LRMDA: variants seen among roughly 807,000 people sequenced by gnomAD.
LRMDA encodes leucine-rich melanocyte differentiation-associated protein.
A neutral mutation model predicts 29.8 loss-of-function variants in LRMDA; 18 were observed. The ratio of observed to expected loss-of-function variants is 0.60; its 90% CI spans 0.42 to 0.90. The LOEUF (loss-of-function observed/expected upper bound fraction) is 0.90, where lower values mean the gene tolerates loss of function less well. Ranked by LOEUF, LRMDA falls within the 40% of genes least tolerant of loss-of-function variation. The pLI is 0.00. For missense variants in LRMDA, 273 were observed against 273.9 expected, an observed-to-expected ratio of 1.00 and a Z score of 0.02; for synonymous variants, 125 against 109.4, an observed-to-expected ratio of 1.14 and a Z score of -0.89.
At chr10:75,995,710 G>C (rs1190257321) in intron 2 of LRMDA, among the ~76,000 whole-genome samples, 1 of 152,140 alleles carries the variant, frequency 6.6e-6, no homozygotes, top group Non-Finnish European at 1.5e-5. Flanking sequence ...TTATTGTGAA[G>C]TTTTTCTTTC....
At chr10:76,450,019 T>C (rs1287754264) in intron 6 of LRMDA, among the ~76,000 whole-genome samples, 2 of 152,108 alleles carry the variant, frequency 1.3e-5, no homozygotes, top group African/African-American at 4.8e-5. Flanking sequence ...CTTGCCATTT[T>C]CTTTATAGTT....
chr10:76,507,986 A>G (rs1008623521), intron 6 of LRMDA, among the ~76,000 whole-genome samples: 1 of 152,108 alleles, frequency 6.6e-6, no homozygotes, highest in Non-Finnish European at 1.5e-5. Context: ...CAGGAGAATG[A>G]CATTTTTGAA....
At chr10:75,540,557 C>T (rs1490704551) in intron 2 of LRMDA, among the ~76,000 whole-genome samples, 1 of 152,212 alleles carries the variant, frequency 6.6e-6, no homozygotes, top group Non-Finnish European at 1.5e-5. Flanking sequence ...GATCTTACCT[C>T]CCCACTAGCA....
intron 5 of LRMDA, among the ~76,000 whole-genome samples, chr10:76,068,589 G>T (rs937179754): frequency 2.0e-5 from 3 of 152,184 alleles, no homozygotes; most frequent in African/African-American, 7.2e-5. Context: ...AGGAGGCAGA[G>T]CCCAGGCAGT....
At chr10:75,916,201 G>T (rs890858694) in intron 2 of LRMDA, among the ~76,000 whole-genome samples, 5 of 116,308 alleles carry the variant, frequency 4.3e-5, no homozygotes, top group African/African-American at 6.0e-5. Context: ...TGTGTGGGTG[G>T]GTGTGCATGT....
chr10:76,384,027 C>A (rs750878112), intron 6 of LRMDA, among the ~76,000 whole-genome samples: 1 of 151,998 alleles, frequency 6.6e-6, no homozygotes, highest in African/African-American at 2.4e-5. Context: ...CCTTTCCATC[C>A]CACTTCTACC....
Position 75,677,639 on chromosome 10 carries a change from G to A in LRMDA, c.131+239145G>A, listed in dbSNP as rs998540571. 4.6e-5 allele frequency among the ~76,000 whole-genome samples: 7 copies of A among 152,198 alleles called. No individual in the cohort carries two copies. In the East Asian group the frequency reaches 9.7e-4, roughly 21 times the overall value. On this transcript the variant is annotated intron_variant, in intron 2 of 6. Coordinates refer to ENST00000611255, the MANE Select transcript of LRMDA (RefSeq NM_001305581.2). ...CACTGAGGAAACCCAGTCTCACACCGGTTGTTCTTATTTCTTGTTTTCTGT... is the reference window on the plus strand; with the variant it reads ...CACTGAGGAAACCCAGTCTCACACCAGTTGTTCTTATTTCTTGTTTTCTGT...
chr10:75,901,538 G>A (rs1049872260), intron 2 of LRMDA, among the ~76,000 whole-genome samples: 1 of 151,964 alleles, frequency 6.6e-6, no homozygotes, highest in Non-Finnish European at 1.5e-5. Flanking sequence ...TGACAAATGC[G>A]AACATTAATT....
chr10:76,119,237 A>C (rs1466821992), intron 5 of LRMDA, among the ~76,000 whole-genome samples: 2 of 151,998 alleles, frequency 1.3e-5, no homozygotes, highest in Admixed American at 1.3e-4. Context: ...TGGTCTGTGA[A>C]TAAAGACATC....
chr10:76,331,574 C>G (rs1212616313), intron 6 of LRMDA, among the ~76,000 whole-genome samples: 1 of 152,104 alleles, frequency 6.6e-6, no homozygotes, highest in Admixed American at 6.5e-5. Flanking sequence ...AGAAAAAAAC[C>G]TCCTTAGAGA....
intron 2 of LRMDA, among the ~76,000 whole-genome samples, chr10:75,729,664 T>A (rs1842671361): frequency 6.6e-6 from 1 of 152,104 alleles, no homozygotes; most frequent in African/African-American, 2.4e-5. Context: ...GTGAGGGAGT[T>A]TATGTATCTG....
intron 2 of LRMDA, among the ~76,000 whole-genome samples, chr10:75,578,946 G>A (rs1197267355): frequency 6.6e-6 from 1 of 151,702 alleles, no homozygotes; most frequent in Non-Finnish European, 1.5e-5. Flanking sequence ...AGCACTAAAT[G>A]CCCACAAGAG....
chr10:76,397,095 G>A (rs906599602), intron 6 of LRMDA, among the ~76,000 whole-genome samples: 10 of 152,134 alleles, frequency 6.6e-5, no homozygotes, highest in Non-Finnish European at 1.5e-4. Flanking sequence ...CGGTGTGTGA[G>A]CAAAATCATT....
chr10:75,496,399 T>C (rs1845044747), intron 2 of LRMDA, among the ~76,000 whole-genome samples: 1 of 152,240 alleles, frequency 6.6e-6, no homozygotes, highest in Non-Finnish European at 1.5e-5. Context: ...GCTTAGCACA[T>C]AGTAGGTCCT....
At chr10:75,629,806 G>A (rs1841300666) in intron 2 of LRMDA, among the ~76,000 whole-genome samples, 1 of 152,256 alleles carries the variant, frequency 6.6e-6, no homozygotes, top group East Asian at 1.9e-4. Context: ...GGTAATAAAT[G>A]TGTCAGTCCT....
Position 75,604,817 on chromosome 10 carries a change from G to A in LRMDA, c.131+166323G>A, listed in dbSNP as rs537540684. 9.2e-5 allele frequency among the ~76,000 whole-genome samples: 14 copies of A among 152,254 alleles called. No homozygotes were observed. The East Asian group carries it at 2.5e-3, about 27-fold the overall frequency. ...GCTGCCCCACCACTTACCAATCAGA[G>A]CTTGCCCACTTCAAAAAACTTCACT... On this transcript the variant is annotated intron_variant, in intron 2 of 6. Transcript: ENST00000611255.
chr10:76,100,725 C>T (rs1159891160), intron 5 of LRMDA, among the ~76,000 whole-genome samples: 1 of 152,158 alleles, frequency 6.6e-6, no homozygotes, highest in African/African-American at 2.4e-5. Flanking sequence ...TCTTTCCCAG[C>T]AATTTAAAGC....
intron 5 of LRMDA, among the ~76,000 whole-genome samples, chr10:76,294,263 A>C (rs900311028): frequency 1.2e-4 from 18 of 152,172 alleles, no homozygotes; most frequent in Non-Finnish European, 7.3e-5. Flanking sequence ...TTCTCTTTTT[A>C]AATTTCTTGA....
intron 6 of LRMDA, among the ~76,000 whole-genome samples, chr10:76,372,872 T>C (rs1444185455): frequency 2.0e-5 from 3 of 152,082 alleles, no homozygotes; most frequent in Non-Finnish European, 4.4e-5. Context: ...CATTTTAACA[T>C]TGTGTTATAT....
Sources: allele counts gnomAD v4.1 joint callset (sites outside exome capture counted in the v4.1 genomes callset), GRCh38; gene constraint gnomAD v4.1.1; transcripts MANE v1.5; gene names NCBI Gene and HGNC (gene_info 2026-07-23, HGNC 2026-07-21).